APOLD1: variants seen among roughly 807,000 people sequenced by gnomAD.
APOLD1 encodes apolipoprotein L domain-containing protein 1.
A neutral mutation model predicts 15.3 loss-of-function variants in APOLD1; 22 were observed. That is an observed-to-expected ratio of 1.44 (90% CI 1.03 to 2.05). APOLD1 has a LOEUF of 2.05. Among genes scored for constraint, APOLD1 ranks in the 30% most tolerant of loss-of-function variants. The pLI, the probability that APOLD1 is intolerant of heterozygous loss-of-function variation, is 0.00. For missense variants in APOLD1, 394 were observed against 353.5 expected, an observed-to-expected ratio of 1.11 and a Z score of -0.92; for synonymous variants, 190 against 167.4, an observed-to-expected ratio of 1.13 and a Z score of -1.04.
intron 1 of APOLD1, 42 bp from the exon 2 acceptor site, chr12:12,786,867 G>C: frequency 7.3e-7 from 1 of 1,378,988 alleles, no homozygotes; most frequent in Non-Finnish European, 9.3e-7. Context: ...GCGGCGGCTG[G>C]CACGGAGACT....
At chr12:12,765,286 C>G (rs1372229946) in intron 1 of APOLD1, among the ~76,000 whole-genome samples, 1 of 152,100 alleles carries the variant, frequency 6.6e-6, no homozygotes. Flanking sequence ...CTCCTGGGGT[C>G]AAGTGATCCT....
chr12:12,785,544 G>C, upstream of APOLD1: 3 of 1,397,448 alleles, frequency 2.1e-6, no homozygotes, highest in South Asian at 3.7e-5. Context: ...CCTTCTAGAT[G>C]AAGGCAGCAG....
In APOLD1 at chr12:12,786,931, G is replaced by T; in HGVS notation, c.26G>T (p.Arg9Leu). Residue 9 changes from arginine to leucine, a missense_variant, in exon 2 of 2, where the codon CGG becomes CTG. By Grantham distance (102) the Arg-to-Leu change is moderately radical (BLOSUM62 -2). Transcript: ENST00000356591. ...CAGGGAATGGAGAGGCCGGCGGCCC[G>T]GGAGCCGCATGGGCCCGACGCGCTG... MGMERPAAREPHGPDALRR... is the reference protein window; with the variant it reads MGMERPAALEPHGPDALRR... 6.9e-7 allele frequency: 1 copy of T among 1,451,654 alleles called. No homozygotes were observed. 89.9% of individuals were successfully genotyped at this position (1,451,654 alleles called of 1,614,324 possible).
intron 1 of APOLD1, among the ~76,000 whole-genome samples, chr12:12,744,565 C>T (rs1366319082): frequency 2.6e-5 from 4 of 152,160 alleles, no homozygotes; most frequent in African/African-American, 9.7e-5. Context: ...ACAGAGATCG[C>T]ACCACTGCAC....
chr12:12,728,690 A>AAAG (rs779176543), intron 1 of APOLD1, among the ~76,000 whole-genome samples: 6,435 of 138,498 alleles, frequency 0.046, 444 homozygotes, highest in Non-Finnish European at 0.07. Context: ...AAAAAAAAAA[A>AAAG]AGAGAGAGAA....
rs892644723 is a variant in APOLD1, at chr12:12,790,789, A to G, written c.*3137A>G. 1.3e-5 allele frequency: 2 copies of G among 152,240 alleles called. No individual in the cohort carries two copies. Among genetic ancestry groups the G allele is most frequent in the African/African-American group, 4.8e-5 (2 of 41,456 alleles). The allele number at this position is 152,240 out of a possible 1,614,324, so 9.4% of individuals were successfully genotyped here. A position where few individuals can be genotyped will look rare whatever the true frequency, so the allele number is the denominator to read the frequency against. On this transcript the variant is annotated 3_prime_UTR_variant, in exon 2 of 2. Transcript: ENST00000356591. ...GAGTAAGATTGGAGCCTCTATCAAG[A>G]TTTAGTCAAGTTCAGTTAGATTGAT...
At chr12:12,730,295 C>T (rs933397492) in intron 1 of APOLD1, among the ~76,000 whole-genome samples, 1 of 152,090 alleles carries the variant, frequency 6.6e-6, no homozygotes, top group Non-Finnish European at 1.5e-5. Context: ...TTGTGAGATG[C>T]TGTAGTGGTT....
intron 1 of APOLD1, among the ~76,000 whole-genome samples, chr12:12,726,929 A>C (rs1005233680): frequency 3.3e-5 from 5 of 152,248 alleles, no homozygotes; most frequent in African/African-American, 9.6e-5. Context: ...AGTTGAAGAC[A>C]CGCTAGCCTC....
intron 1 of APOLD1, among the ~76,000 whole-genome samples, chr12:12,735,504 T>A (rs2024385): frequency 0.43 from 65,163 of 151,818 alleles, 14,109 homozygotes; most frequent in East Asian, 0.51. Flanking sequence ...TTTGAAAGAA[T>A]GTGCTTGTGG....
intron 1 of APOLD1, among the ~76,000 whole-genome samples, chr12:12,738,450 C>A (rs966781559): frequency 7.2e-5 from 11 of 152,086 alleles, no homozygotes; most frequent in African/African-American, 2.4e-4. Context: ...AAGCAGTCCT[C>A]CCAACTTAGC....
chr12:12,782,170 A>G (rs1947086135), upstream of APOLD1, among the ~76,000 whole-genome samples: 1 of 152,038 alleles, frequency 6.6e-6, no homozygotes, highest in Admixed American at 6.6e-5. Context: ...GAGGCAGGAG[A>G]ATCGTTTGAA....
In APOLD1 at chr12:12,744,969, C is replaced by T. The variant is rs558993980; in HGVS notation, c.96+18873C>T. ...CTACCTGGATCCCATACTTGCTTCA[C>T]CCTGACAAAGCTTTTTCTTCTCTCT... On this transcript the variant is annotated intron_variant, in intron 1 of 1. Coordinates refer to the APOLD1 transcript ENST00000326765. Among the ~76,000 whole-genome samples the T allele has an allele frequency of 2.3e-4, 35 of 152,288 alleles. No homozygotes were observed. The South Asian group carries it at 6.6e-3, about 29-fold the overall frequency.
chr12:12,768,925 A>G (rs564122894), intron 1 of APOLD1, among the ~76,000 whole-genome samples: 1 of 151,874 alleles, frequency 6.6e-6, no homozygotes. Flanking sequence ...GCATGTAAGG[A>G]GCTCAGAAGT....
intron 1 of APOLD1, among the ~76,000 whole-genome samples, chr12:12,758,567 A>C (rs964447387): frequency 4.0e-4 from 61 of 152,102 alleles, no homozygotes; most frequent in African/African-American, 1.4e-3. Flanking sequence ...ACAAATCAAA[A>C]CAAAAACTCG....
At chr12:12,725,938 G>A in exon 1 of APOLD1, 1 of 1,346,240 alleles carries the variant, frequency 7.4e-7, no homozygotes, top group Non-Finnish European at 9.9e-7. Context: ...AGGCGGGGGT[G>A]CGCGGGGCGG....
chr12:12,781,721 G>T (rs1392360156), upstream of APOLD1, among the ~76,000 whole-genome samples: 2 of 151,036 alleles, frequency 1.3e-5, no homozygotes, highest in Admixed American at 6.6e-5. Context: ...TAGAGACGGG[G>T]TTTCACCATG....
intron 1 of APOLD1, among the ~76,000 whole-genome samples, chr12:12,759,533 G>C (rs1946881788): frequency 6.6e-6 from 1 of 152,180 alleles, no homozygotes; most frequent in South Asian, 2.1e-4. Flanking sequence ...AATTCATAAG[G>C]TTATGCAATA....
intron 1 of APOLD1, among the ~76,000 whole-genome samples, chr12:12,728,867 T>A (rs571433696): frequency 6.6e-6 from 1 of 152,070 alleles, no homozygotes; most frequent in Non-Finnish European, 1.5e-5. Context: ...CATTCTAAGA[T>A]TGGGTCTCTA....
intron 1 of APOLD1, among the ~76,000 whole-genome samples, chr12:12,747,123 T>G (rs6488550): frequency 6.6e-6 from 1 of 151,852 alleles, no homozygotes; most frequent in African/African-American, 2.4e-5. Flanking sequence ...ACATATATAT[T>G]TTTTTCTAGA....
Sources: gnomAD v4.1 joint callset for allele counts (sites outside exome capture counted in the v4.1 genomes callset) on GRCh38, gnomAD v4.1.1 for gene constraint, MANE v1.5 for transcripts, NCBI Gene and HGNC (gene_info 2026-07-23, HGNC 2026-07-21) for gene names.